C1QTNF3: variants seen among roughly 807,000 people sequenced by gnomAD.
C1QTNF3 encodes the protein complement C1q tumor necrosis factor-related protein 3.
C1QTNF3 carries 26 observed loss-of-function variants against 32.6 expected under a neutral mutation model. The observed-to-expected ratio is 0.80, with a 90% CI of 0.58 to 1.11. The LOEUF is 1.11. Ranked by LOEUF, C1QTNF3 falls within the 50% of genes least tolerant of loss-of-function variation. The pLI, the probability that C1QTNF3 is intolerant of heterozygous loss-of-function variation, is 0.00. For missense variants in C1QTNF3, 362 were observed against 398.2 expected (o/e 0.91, Z 0.77); for synonymous variants, 155 against 146.0 (o/e 1.06, Z -0.44).
chr5:34,169,498 A>G, the C1QTNF3 span, among the ~76,000 whole-genome samples: 1 of 152,106 alleles, frequency 6.6e-6, no homozygotes, highest in East Asian at 1.9e-4. Context: ...AATTTCTTAT[A>G]TATTTTGAAA....
the C1QTNF3 span, among the ~76,000 whole-genome samples, chr5:34,122,567 T>C: frequency 1.3e-5 from 2 of 152,152 alleles, no homozygotes; most frequent in Non-Finnish European, 2.9e-5. Flanking sequence ...TGCCTGCTGA[T>C]AGTAAAATAT....
chr5:34,101,055 A>G, the C1QTNF3 span, among the ~76,000 whole-genome samples: 8 of 151,194 alleles, frequency 5.3e-5, no homozygotes, highest in Non-Finnish European at 1.0e-4. Flanking sequence ...TATAAATATT[A>G]TATTTTCCCA....
the C1QTNF3 span, among the ~76,000 whole-genome samples, chr5:34,060,311 C>T: frequency 5.3e-5 from 8 of 152,166 alleles, 1 homozygote; most frequent in African/African-American, 1.7e-4. Flanking sequence ...TAGATGGTAT[C>T]GCCTACTACA....
the C1QTNF3 span, among the ~76,000 whole-genome samples, chr5:34,054,753 T>C: frequency 7.9e-5 from 9 of 113,786 alleles, no homozygotes; most frequent in Non-Finnish European, 2.0e-4. Flanking sequence ...TGTAGGAATC[T>C]GTATTTTTTT....
chr5:34,177,351 C>T, the C1QTNF3 span, among the ~76,000 whole-genome samples: 2 of 152,242 alleles, frequency 1.3e-5, no homozygotes, highest in South Asian at 4.2e-4. Flanking sequence ...CTCACTCTGT[C>T]ACCCAGGTGG....
At chr5:34,216,547 G>A in the C1QTNF3 span, among the ~76,000 whole-genome samples, 1 of 152,222 alleles carries the variant, frequency 6.6e-6, no homozygotes, top group East Asian at 1.9e-4. Flanking sequence ...CCACTCAAGT[G>A]GCTCCTCATA....
chr5:34,218,658 C>A, the C1QTNF3 span, among the ~76,000 whole-genome samples: 3 of 151,910 alleles, frequency 2.0e-5, no homozygotes, highest in African/African-American at 7.3e-5. Context: ...GAGAGTTTTG[C>A]GAACAGTTTT....
the C1QTNF3 span, among the ~76,000 whole-genome samples, chr5:34,213,519 G>A: frequency 6.6e-6 from 1 of 151,086 alleles, no homozygotes; most frequent in East Asian, 2.0e-4. Context: ...GTTAATCATC[G>A]CAACTTACAC....
chr5:34,089,296 T>C, the C1QTNF3 span, among the ~76,000 whole-genome samples: 1 of 152,186 alleles, frequency 6.6e-6, no homozygotes, highest in Non-Finnish European at 1.5e-5. Flanking sequence ...GACCTTGTTA[T>C]GATCAAAATG....
At chr5:34,189,632 C>T in the C1QTNF3 span, 1 of 553,094 alleles carries the variant, frequency 1.8e-6, no homozygotes, top group Non-Finnish European at 3.2e-6. Context: ...ACGCTCAGAG[C>T]CCAGCTCTCG....
chr5:34,056,319 G>T, the C1QTNF3 span, among the ~76,000 whole-genome samples: 1 of 151,036 alleles, frequency 6.6e-6, no homozygotes, highest in African/African-American at 2.4e-5. Flanking sequence ...TCTTACTCAT[G>T]CTTGTGCATA....
the C1QTNF3 span, among the ~76,000 whole-genome samples, chr5:34,138,413 T>C: frequency 6.6e-6 from 1 of 152,146 alleles, no homozygotes; most frequent in African/African-American, 2.4e-5. Context: ...TATCATTGAC[T>C]CATGTACTTT....
chr5:34,089,417 C>T, the C1QTNF3 span, among the ~76,000 whole-genome samples: 2 of 152,022 alleles, frequency 1.3e-5, no homozygotes, highest in Non-Finnish European at 2.9e-5. Flanking sequence ...GTCATGGGGG[C>T]ATAAATGGTA....
At chr5:34,197,475 A>G in the C1QTNF3 span, among the ~76,000 whole-genome samples, 43 of 152,340 alleles carry the variant, frequency 2.8e-4, 2 homozygotes, top group South Asian at 8.5e-3. Flanking sequence ...AATGGTAAAT[A>G]TTATTGGCAT....
the C1QTNF3 span, among the ~76,000 whole-genome samples, chr5:34,073,625 T>A: frequency 6.6e-6 from 1 of 152,244 alleles, no homozygotes; most frequent in Admixed American, 6.5e-5. Flanking sequence ...AGAAATTAAA[T>A]TATTCTTTCG....
At chr5:34,165,546 C>A in the C1QTNF3 span, 7 of 152,038 alleles carry the variant, frequency 4.6e-5, no homozygotes, top group Non-Finnish European at 8.8e-5. Context: ...GTTACTGTAA[C>A]TGCTGTCATT....
the C1QTNF3 span, among the ~76,000 whole-genome samples, chr5:34,127,012 C>T: frequency 8.5e-5 from 13 of 152,300 alleles, no homozygotes; most frequent in Admixed American, 5.9e-4. Context: ...TCTCTCCTGT[C>T]ACTATGTACC....
At chr5:34,073,186 G>A in the C1QTNF3 span, among the ~76,000 whole-genome samples, 1 of 152,090 alleles carries the variant, frequency 6.6e-6, no homozygotes, top group Admixed American at 6.6e-5. Context: ...CATTAGCCGG[G>A]TGTGGTGGTG....
upstream of C1QTNF3, chr5:34,043,503 T>C (rs1371743828): frequency 5.1e-6 from 1 of 196,960 alleles, no homozygotes; most frequent in Non-Finnish European, 1.0e-5. Context: ...AAAGGCTGTG[T>C]ATTTGCAGTC....
Sources: allele counts gnomAD v4.1 joint callset (sites outside exome capture counted in the v4.1 genomes callset), GRCh38; gene constraint gnomAD v4.1.1; transcripts MANE v1.5; gene names NCBI Gene and HGNC (gene_info 2026-07-23, HGNC 2026-07-21).